Variants in BLTP1 observed in about 807,000 individuals in gnomAD.
BLTP1 encodes the protein fragile site-associated protein.
chr4:122,189,350 A>G, the BLTP1 span: 12,045 of 981,744 alleles, frequency 0.012, 229 homozygotes, highest in African/African-American at 0.081. Flanking sequence ...TAATCAAAGC[A>G]AGCAAAGATT....
At chr4:122,163,151 G>T in the BLTP1 span, among the ~76,000 whole-genome samples, 1 of 152,018 alleles carries the variant, frequency 6.6e-6, no homozygotes, top group Non-Finnish European at 1.5e-5. Flanking sequence ...AACAAACCTG[G>T]GATAAAGATT....
chr4:122,240,345 A>G, the BLTP1 span: 2 of 1,613,126 alleles, frequency 1.2e-6, no homozygotes, highest in South Asian at 1.1e-5. Context: ...TTCTGTTCCA[A>G]CTTTTAAGGT....
chr4:122,244,357 C>T, the BLTP1 span, among the ~76,000 whole-genome samples: 3 of 151,832 alleles, frequency 2.0e-5, no homozygotes, highest in Non-Finnish European at 2.9e-5. Context: ...CTGTGGAACC[C>T]GCGGATCAAA....
the BLTP1 span, among the ~76,000 whole-genome samples, chr4:122,205,734 CT>C: frequency 6.7e-6 from 1 of 148,488 alleles, no homozygotes; most frequent in Admixed American, 6.8e-5. Flanking sequence ...AAAGTCTGTG[CT>C]ATAATAATAC....
At chr4:122,348,512 G>A in the BLTP1 span, 4 of 1,451,418 alleles carry the variant, frequency 2.8e-6, no homozygotes, top group African/African-American at 4.3e-5. Flanking sequence ...TTTTTGCTTT[G>A]TAACTAGCTT....
At chr4:122,327,945 T>C in the BLTP1 span, 169 of 463,310 alleles carry the variant, frequency 3.6e-4, 2 homozygotes, top group African/African-American at 3.2e-3. Context: ...GCTTCCTTCC[T>C]TGGTGTACTA....
chr4:122,256,916 A>G, the BLTP1 span: 1 of 204,476 alleles, frequency 4.9e-6, no homozygotes, highest in Non-Finnish European at 8.6e-6. Context: ...ATGCATTTTG[A>G]TTCTTCACTT....
the BLTP1 span, chr4:122,227,382 A>G: frequency 6.1e-5 from 60 of 984,778 alleles, no homozygotes; most frequent in Non-Finnish European, 6.9e-5. Flanking sequence ...AACCATGTGC[A>G]GTGGCAATGA....
the BLTP1 span, chr4:122,226,748 T>C: frequency 6.2e-7 from 1 of 1,613,568 alleles, no homozygotes; most frequent in Non-Finnish European, 8.5e-7. Flanking sequence ...TTGTTTTTCA[T>C]GTGGTATGTC....
chr4:122,343,381 A>C, the BLTP1 span: 5 of 1,608,284 alleles, frequency 3.1e-6, no homozygotes, highest in Non-Finnish European at 4.3e-6. Context: ...CTTGTAGCTT[A>C]TATTTTCAAT....
chr4:122,161,702 G>A, the BLTP1 span, among the ~76,000 whole-genome samples: 1 of 152,132 alleles, frequency 6.6e-6, no homozygotes, highest in Non-Finnish European at 1.5e-5. Context: ...TGGGATTACA[G>A]GCGTGAGCCA....
At chr4:122,307,754 G>GT in the BLTP1 span, 7 of 985,146 alleles carry the variant, frequency 7.1e-6, no homozygotes, top group Non-Finnish European at 8.4e-6. Context: ...CCTGCTTTCT[G>GT]TTTTATTTTT....
the BLTP1 span, chr4:122,199,535 G>A: frequency 2.6e-6 from 3 of 1,174,994 alleles, no homozygotes; most frequent in African/African-American, 3.1e-5. Context: ...AAGTAACCAG[G>A]AAATCATCAA....
At chr4:122,178,454 A>G in the BLTP1 span, among the ~76,000 whole-genome samples, 2 of 152,232 alleles carry the variant, frequency 1.3e-5, no homozygotes, top group South Asian at 4.1e-4. Context: ...CTGTATAAAA[A>G]TGAAAACAGG....
At chr4:122,182,400 C>T in the BLTP1 span, among the ~76,000 whole-genome samples, 1 of 152,150 alleles carries the variant, frequency 6.6e-6, no homozygotes, top group South Asian at 2.1e-4. Context: ...CAGGGTCCTC[C>T]ATACACAGTT....
the BLTP1 span, chr4:122,173,010 A>T: frequency 6.2e-7 from 1 of 1,611,992 alleles, no homozygotes; most frequent in Non-Finnish European, 8.5e-7. Context: ...AAATCCTATT[A>T]TTTCTGATTT....
the BLTP1 span, chr4:122,232,184 T>C: frequency 4.7e-4 from 412 of 881,190 alleles, 1 homozygote; most frequent in Non-Finnish European, 5.2e-4. Context: ...TTCTTACGAG[T>C]TAACAAGTTA....
the BLTP1 span, chr4:122,203,757 A>G: frequency 2.9e-6 from 1 of 344,424 alleles, no homozygotes; most frequent in Non-Finnish European, 4.1e-6. Flanking sequence ...TTATAAAATG[A>G]TATGTTGAAA....
At chr4:122,210,121 G>A in the BLTP1 span, 1 of 572,054 alleles carries the variant, frequency 1.7e-6, no homozygotes, top group South Asian at 7.8e-5. Context: ...CAATTTTCTG[G>A]CTTCTATTAT....
Sources: gnomAD v4.1 joint callset for allele counts (sites outside exome capture counted in the v4.1 genomes callset) on GRCh38, gnomAD v4.1.1 for gene constraint, MANE v1.5 for transcripts, NCBI Gene and HGNC (gene_info 2026-07-23, HGNC 2026-07-21) for gene names.